UXS1: variants seen among roughly 807,000 people sequenced by gnomAD.
The protein encoded by UXS1 is UDP-glucuronic acid decarboxylase 1.
In UXS1, 33 loss-of-function variants were observed where a neutral mutation model predicts 62.6. The observed-to-expected ratio is 0.53, with a 90% CI of 0.40 to 0.70. The LOEUF is 0.70. Among genes scored for constraint, UXS1 ranks in the 30% least tolerant of loss-of-function variants. The pLI is 0.00. For synonymous variants in UXS1, 213 were observed against 206.8 expected, an observed-to-expected ratio of 1.03 and a Z score of -0.26; for missense variants, 434 against 556.3, an observed-to-expected ratio of 0.78 and a Z score of 2.21.
intron 6 of UXS1, chr2:106,138,783 A>C: frequency 3.0e-6 from 3 of 985,446 alleles, no homozygotes; most frequent in Non-Finnish European, 3.6e-6. Flanking sequence ...TTTGAGAGGA[A>C]ACTGAAAACC....
chr2:106,163,497 G>A (rs1002410901), intron 4 of UXS1, among the ~76,000 whole-genome samples, 170 bp downstream of exon 4: 1 of 152,208 alleles, frequency 6.6e-6, no homozygotes, highest in African/African-American at 2.4e-5. Context: ...AACACATCTA[G>A]ATTGATTCTT....
At chr2:106,188,557 CT>C (rs1008728232) in intron 1 of UXS1, among the ~76,000 whole-genome samples, 2 of 152,220 alleles carry the variant, frequency 1.3e-5, no homozygotes, top group African/African-American at 4.8e-5. Context: ...CCAGATCCCC[CT>C]GGGACAATCA....
At position 106,105,739 on chromosome 2, in the gene UXS1, G is replaced by A. The variant is rs117633218; in HGVS notation, c.880-902C>T. ...TGACCTGCGGAGCGCCACGGATCACGCCACTCACTGAGGCGGAGACGGCAA... is the reference window on the plus strand; with the variant it reads ...TGACCTGCGGAGCGCCACGGATCACACCACTCACTGAGGCGGAGACGGCAA... On this transcript the variant is annotated intron_variant, in intron 10 of 14. Coordinates refer to ENST00000283148, the MANE Select transcript of UXS1 (RefSeq NM_001253875.2). Among the ~76,000 whole-genome samples the A allele has an allele frequency of 4.2e-4, 64 of 152,336 alleles. No homozygotes were observed. The East Asian group carries it at 0.012, about 28-fold the overall frequency.
At chr2:106,158,178 CT>C in intron 4 of UXS1, 60 bp from the exon 5 acceptor site, 1 of 1,401,722 alleles carries the variant, frequency 7.1e-7, no homozygotes, top group Non-Finnish European at 9.9e-7. Context: ...AATATTTTCT[CT>C]GTCTACCATC....
chr2:106,114,245 C>A (rs992441363), intron 9 of UXS1, among the ~76,000 whole-genome samples: 1 of 152,190 alleles, frequency 6.6e-6, no homozygotes, highest in African/African-American at 2.4e-5. Context: ...ACACAGTTAA[C>A]TTTTAGAAGC....
At chr2:106,111,877 C>A (rs1678641355) in intron 10 of UXS1, among the ~76,000 whole-genome samples, 1 of 152,134 alleles carries the variant, frequency 6.6e-6, no homozygotes, top group African/African-American at 2.4e-5. Flanking sequence ...CTCTAGGAGG[C>A]TACAGATCAG....
In UXS1 at chr2:106,093,935, TAAAGTCTTTCTTTAAACGACAACAAAAA is replaced by T. The variant is rs1174295717; in HGVS notation, c.*63_*90del. 3.4e-6 allele frequency: 5 copies of T among 1,452,096 alleles called. No individual in the cohort carries two copies. Among genetic ancestry groups the T allele is most frequent in the Non-Finnish European group, 4.5e-6 (5 of 1,100,704 alleles). The allele number at this position is 1,452,096 out of a possible 1,614,324, so 90.0% of individuals were successfully genotyped here. ...CCAGTTTGTTCTTCATGACACCTGTTAAAGTCTTTCTTTAAACGACAACAAAAAAAAGCCAAAAATACATCCCATCAAG... is the reference window on the plus strand; with the variant it reads ...CCAGTTTGTTCTTCATGACACCTGTTAAAGCCAAAAATACATCCCATCAAG... On this transcript the variant is annotated 3_prime_UTR_variant, in exon 15 of 15. Coordinates refer to ENST00000283148, the MANE Select transcript of UXS1 (RefSeq NM_001253875.2).
chr2:106,193,121 C>T (rs1401886796), intron 1 of UXS1, among the ~76,000 whole-genome samples: 1 of 152,130 alleles, frequency 6.6e-6, no homozygotes, highest in African/African-American at 2.4e-5. Flanking sequence ...GGCTGTAGCA[C>T]ACAGGCTGGA....
rs1238947002 is a variant in UXS1, at chr2:106,194,156, T to G, written c.86A>C (p.Tyr29Ser). ...AGCGGGCGCGCACTCACAGGCGACG[T>G]AGGCCAGCAAGGCGATGCCCAGCAG... is the stretch of plus-strand genomic sequence containing the variant. Reference protein sequence around the residue: ...KLLLGIALLAYVASVWGNFVN... With the variant: ...KLLLGIALLASVASVWGNFVN... The change falls in exon 1 of 15, where the codon TAC (tyrosine) becomes TCC (serine). Residue 29 changes from tyrosine to serine, a missense_variant. Tyr to Ser is a moderately radical substitution (Grantham distance 144). This residue lies in a region of UXS1 where 91 missense variants were observed against 71.1 expected (regional missense o/e 1.28). Transcript: ENST00000283148. The G allele has an allele frequency of 6.7e-7, 1 of 1,482,448 alleles. No homozygotes were observed. Among genetic ancestry groups the G allele is most frequent in the South Asian group, 1.3e-5 (1 of 79,614 alleles). The allele number at this position is 1,482,448 out of a possible 1,614,324, so 91.8% of individuals were successfully genotyped here. A position where few individuals can be genotyped will look rare whatever the true frequency, so the allele number is the denominator to read the frequency against.
At chr2:106,124,047 A>G (rs983476742) in intron 8 of UXS1, among the ~76,000 whole-genome samples, 9 of 152,236 alleles carry the variant, frequency 5.9e-5, no homozygotes, top group Admixed American at 4.6e-4. Context: ...AGTGTGCTGC[A>G]AAGAAAGGTC....
At chr2:106,096,600 T>C (rs1473876388) in intron 14 of UXS1, 118 bp downstream of exon 14, 4 of 791,282 alleles carry the variant, frequency 5.1e-6, no homozygotes, top group Non-Finnish European at 7.8e-6. Flanking sequence ...TCTGCCTGGA[T>C]GCCGAGCCCA....
intron 1 of UXS1, among the ~76,000 whole-genome samples, chr2:106,188,480 C>T (rs1480127881): frequency 2.6e-5 from 4 of 152,192 alleles, no homozygotes; most frequent in African/African-American, 9.7e-5. Flanking sequence ...GCTCCTGTCC[C>T]ACCCTGGCAG....
intron 9 of UXS1, among the ~76,000 whole-genome samples, chr2:106,115,076 G>A (rs1380241544): frequency 1.3e-5 from 2 of 152,130 alleles, no homozygotes; most frequent in Middle Eastern, 3.2e-3. Context: ...TGGTCCTCAC[G>A]GTGGGACCAT....
chr2:106,114,702 A>T (rs1678923302), intron 9 of UXS1, among the ~76,000 whole-genome samples: 1 of 152,206 alleles, frequency 6.6e-6, no homozygotes, highest in African/African-American at 2.4e-5. Flanking sequence ...CCAACCCATA[A>T]ACAGGCTTGC....
chr2:106,101,638 T>C (rs959561063), intron 11 of UXS1: 2 of 152,824 alleles, frequency 1.3e-5, no homozygotes, highest in African/African-American at 4.8e-5. Flanking sequence ...CAAACAATAC[T>C]GAGGGTTGAA....
intron 1 of UXS1, among the ~76,000 whole-genome samples, chr2:106,178,171 C>T (rs1011591971): frequency 2.0e-5 from 3 of 152,196 alleles, no homozygotes; most frequent in African/African-American, 7.2e-5. Context: ...CGCGTGGGGG[C>T]CCTGGCCACT....
chr2:106,188,096 C>A (rs1684687003), intron 1 of UXS1, among the ~76,000 whole-genome samples: 1 of 152,178 alleles, frequency 6.6e-6, no homozygotes, highest in African/African-American at 2.4e-5. Context: ...CTAAACCCGA[C>A]TAAAACATCA....
At chr2:106,126,362 C>T (rs779333791) in intron 7 of UXS1, among the ~76,000 whole-genome samples, 10 of 150,290 alleles carry the variant, frequency 6.7e-5, no homozygotes, top group African/African-American at 2.0e-4. Flanking sequence ...CCCCCCTGAC[C>T]GTCACTAACC....
At chr2:106,138,223 G>C in intron 6 of UXS1, 1 of 985,444 alleles carries the variant, frequency 1.0e-6, no homozygotes, top group Non-Finnish European at 1.2e-6. Context: ...CTTCTTCAAA[G>C]CTCAATCCAG....
Sources: gnomAD v4.1 joint callset for allele counts (sites outside exome capture counted in the v4.1 genomes callset) on GRCh38, gnomAD v4.1.1 for gene constraint, gnomAD v4.1.1 regional missense constraint, MANE v1.5 for transcripts, NCBI Gene and HGNC (gene_info 2026-07-23, HGNC 2026-07-21) for gene names.